NLRP13: variants seen among roughly 807,000 people sequenced by gnomAD.
The protein encoded by NLRP13 is NACHT, LRR and PYD domains-containing protein 13.
In NLRP13, 82 loss-of-function variants were observed where a neutral mutation model predicts 94.4. The ratio of observed to expected loss-of-function variants is 0.87; its 90% confidence interval spans 0.73 to 1.04. The LOEUF (loss-of-function observed/expected upper bound fraction) is 1.04. Among genes scored for constraint, NLRP13 ranks in the 50% least tolerant of loss-of-function variants. The probability of loss-of-function intolerance (pLI) is 0.00; values close to 1 mark genes in which losing one functional copy is unlikely to be tolerated. For synonymous variants in NLRP13, 553 were observed against 464.7 expected (o/e 1.19, Z -2.45); for missense variants, 1,426 against 1,230.8 (o/e 1.16, Z -2.37).
rs753214549 is a variant in NLRP13 at position 55,902,018 on chromosome 19, G to A, written c.2789+17C>T. Reference sequence around the variant, plus strand: ...TCTCCTCCATCTGCCAACTCAGAGGGAGCCAAGAAAACTTACTTCAGGCTC... The same window carrying A: ...TCTCCTCCATCTGCCAACTCAGAGGAAGCCAAGAAAACTTACTTCAGGCTC... On this transcript the variant is annotated intron_variant, in intron 9 of 10. Coordinates refer to ENST00000342929, the MANE Select transcript of NLRP13 (RefSeq NM_176810.2). 1.2e-6 allele frequency: 2 copies of A among 1,613,208 alleles called. No individual in the cohort carries two copies. Among genetic ancestry groups the A allele is most frequent in the Admixed American group, 3.3e-5 (2 of 59,988 alleles).
At chr19:55,901,985 C>G in intron 9 of NLRP13, 50 bp downstream of exon 9, 1 of 1,592,848 alleles carries the variant, frequency 6.3e-7, no homozygotes, top group Non-Finnish European at 8.6e-7. Context: ...TGGGTCAATT[C>G]CCATGGCTCT....
At position 55,904,995 on chromosome 19, in the gene NLRP13, T is replaced by C; in HGVS notation, c.2565A>G (p.Ile855Met). 1 of 1,613,996 alleles carries C rather than the reference T, an allele frequency of 6.2e-7. No homozygotes were observed. Among genetic ancestry groups the C allele is most frequent in the Non-Finnish European group, 8.5e-7 (1 of 1,179,998 alleles). Residue 855 changes from isoleucine (I) to methionine (M), a missense_variant, in exon 8 of 11, where the codon ATA (isoleucine) becomes ATG (methionine). Coordinates refer to ENST00000342929, the MANE Select transcript of NLRP13 (RefSeq NM_176810.2). ...LGFNRLQDDGIKLLCAALTHP... is the reference protein window; with the variant it reads ...LGFNRLQDDGMKLLCAALTHP... ...GAGTCAGGGCCGCACACAATAGCTT[T>C]ATGCCATCATCTTGGAGCCGATTAA...
intron 4 of NLRP13, among the ~76,000 whole-genome samples, chr19:55,915,145 A>C (rs1295408156): frequency 6.6e-6 from 1 of 152,232 alleles, no homozygotes; most frequent in East Asian, 1.9e-4. Flanking sequence ...ATAGCAATGT[A>C]ACTGTAGTTA....
rs755198692 is a variant in NLRP13 at position 55,924,614 on chromosome 19, GTTC to G, written c.430_432del (p.Glu144del). ...CCTGTTTCTTCTTCTAGCTCGTCTA[GTTC>G]TTCTTGGTTTGGATCTTGGCATCCC... On this transcript the variant is annotated inframe_deletion, in exon 3 of 11. Coordinates refer to ENST00000342929, the MANE Select transcript of NLRP13 (RefSeq NM_176810.2). 1.9e-6 allele frequency: 3 copies of G among 1,613,372 alleles called. No individual in the cohort carries two copies. The highest frequency in any genetic ancestry group is 1.7e-6 in the Non-Finnish European group (2 of 1,179,574).
intron 9 of NLRP13, among the ~76,000 whole-genome samples, chr19:55,900,653 G>T (rs867919081): frequency 2.0e-5 from 3 of 151,456 alleles, no homozygotes; most frequent in Non-Finnish European, 4.4e-5. Context: ...GCGGGCACCC[G>T]TAGTCCCAGC....
At chr19:55,891,801 G>T (rs1253693286), downstream of NLRP13, 16 of 334,450 alleles carry the variant, frequency 4.8e-5, no homozygotes, top group East Asian at 7.3e-4. Flanking sequence ...TATGATCTTG[G>T]TACCAGACAC....
At chr19:55,916,915 C>T (rs950479275) in intron 4 of NLRP13, among the ~76,000 whole-genome samples, 4 of 152,138 alleles carry the variant, frequency 2.6e-5, no homozygotes, top group Middle Eastern at 3.4e-3. Context: ...GATATTTATT[C>T]ATCAGACTAA....
At position 55,928,762 on chromosome 19, in the gene NLRP13, G is replaced by A. The variant is rs1014128951; in HGVS notation, c.319+3231C>T. Among the ~76,000 whole-genome samples, 4 of 151,938 alleles carry A rather than the reference G, an allele frequency of 2.6e-5. No individual in the cohort carries two copies. The East Asian group carries it at 7.7e-4, about 29-fold the overall frequency. On this transcript the variant is annotated intron_variant, in intron 1 of 10. Coordinates refer to ENST00000342929, the MANE Select transcript of NLRP13 (RefSeq NM_176810.2). ...TTCATGACTAAAACACCAAAAGCAT[G>A]GCAACAAAAGCCAAAATTGACAAAT...
chr19:55,904,827 T>C, intron 8 of NLRP13, 115 bp downstream of exon 8: 1 of 839,846 alleles, frequency 1.2e-6, no homozygotes, highest in Middle Eastern at 3.9e-4. Flanking sequence ...ACATAGTAAT[T>C]ACTCAATGAA....
At chr19:55,907,579 A>G (rs990290067) in intron 7 of NLRP13, among the ~76,000 whole-genome samples, 1 of 152,138 alleles carries the variant, frequency 6.6e-6, no homozygotes, top group African/African-American at 2.4e-5. Context: ...CTCAAAAACA[A>G]AACAAAATAA....
intron 10 of NLRP13, among the ~76,000 whole-genome samples, chr19:55,897,432 A>C (rs148261704): frequency 6.6e-6 from 1 of 152,094 alleles, no homozygotes; most frequent in African/African-American, 2.4e-5. Context: ...AGGAGGAAGG[A>C]TTGCTTGAGG....
Position 55,911,978 on chromosome 19 carries a change from C to T in NLRP13, c.1839G>A (p.Met613Ile). The T allele has an allele frequency of 1.2e-6, 2 of 1,614,174 alleles. No homozygotes were observed. Among genetic ancestry groups the T allele is most frequent in the East Asian group, 2.2e-5 (1 of 44,886 alleles). The change falls in exon 5 of 11, where the codon ATG becomes ATA. Residue 613 changes from methionine to isoleucine, a missense_variant. Met to Ile is a conservative substitution (Grantham distance 10, BLOSUM62 1). Coordinates refer to ENST00000342929, the MANE Select transcript of NLRP13 (RefSeq NM_176810.2). ...CTTCTCCCCACTTTAATAATTCCTC[C>T]ATTACCCTGGGAGATATTTTACAAT... ...TLHCKISPRV[M>I]EELLKWGEEL... is the part of the protein sequence containing the mutation.
At chr19:55,919,257 C>T (rs779927736) in intron 4 of NLRP13, among the ~76,000 whole-genome samples, 1 of 152,024 alleles carries the variant, frequency 6.6e-6, no homozygotes, top group African/African-American at 2.4e-5. Context: ...AATCCACAGC[C>T]CACATTATAC....
In NLRP13 at chr19:55,932,156, G is replaced by T. The variant is rs1400029688; in HGVS notation, c.156C>A (p.Phe52Leu). 2 of 1,614,078 alleles carry T rather than the reference G, an allele frequency of 1.2e-6. No homozygotes were observed. Among genetic ancestry groups the T allele is most frequent in the African/African-American group, 1.3e-5 (1 of 74,954 alleles). ...TCAAGTTTGCCCAGGGGATACGCGG[G>T]AAGTGCCCCTGGGGGGCCGACCAGA... is the stretch of plus-strand genomic sequence containing the variant. ...MDFWSAPQGH[F>L]PRIPWANLRA... Residue 52 changes from phenylalanine (F) to leucine (L), a missense_variant, in exon 1 of 11, where the codon TTC (phenylalanine) becomes TTA (leucine). By Grantham distance (22) the Phe-to-Leu change is conservative. Coordinates refer to ENST00000342929, the MANE Select transcript of NLRP13 (RefSeq NM_176810.2).
intron 1 of NLRP13, among the ~76,000 whole-genome samples, chr19:55,929,035 C>T (rs1002253856): frequency 1.3e-5 from 2 of 152,168 alleles, no homozygotes; most frequent in African/African-American, 2.4e-5. Flanking sequence ...AAAAGCTCAT[C>T]GTCACTGGTT....
intron 1 of NLRP13, among the ~76,000 whole-genome samples, chr19:55,926,079 G>T (rs1047363836): frequency 6.6e-6 from 1 of 152,146 alleles, no homozygotes; most frequent in Admixed American, 6.5e-5. Flanking sequence ...AAAAGTAGAC[G>T]ATTTTCCCCT....
At chr19:55,920,229 G>A (rs377077091) in intron 4 of NLRP13, among the ~76,000 whole-genome samples, 1 of 152,104 alleles carries the variant, frequency 6.6e-6, no homozygotes, top group East Asian at 1.9e-4. Context: ...AAAAATCCTA[G>A]AAGAAAATGT....
chr19:55,898,651 T>C, intron 10 of NLRP13, 119 bp downstream of exon 10: 5 of 1,123,996 alleles, frequency 4.4e-6, no homozygotes, highest in Non-Finnish European at 6.2e-6. Context: ...GGGTGAGATT[T>C]CTTAGATGGC....
chr19:55,905,311 G>T (rs1416370818), intron 7 of NLRP13, among the ~76,000 whole-genome samples, 199 bp from the exon 8 acceptor site: 2 of 151,944 alleles, frequency 1.3e-5, no homozygotes, highest in African/African-American at 4.8e-5. Flanking sequence ...GGAGGCCAAG[G>T]CGGGTGGATC....
Sources: gnomAD v4.1 joint callset for allele counts (sites outside exome capture counted in the v4.1 genomes callset) on GRCh38, gnomAD v4.1.1 for gene constraint, MANE v1.5 for transcripts, NCBI Gene and HGNC (gene_info 2026-07-23, HGNC 2026-07-21) for gene names.